The following KATNIP variants were observed in gnomAD, a reference collection of about 807,000 sequenced individuals.
The protein encoded by KATNIP is katanin interacting protein.
In KATNIP, 126 loss-of-function variants were observed where a neutral mutation model predicts 174.0. The observed-to-expected ratio is 0.72, with a 90% CI of 0.63 to 0.84. KATNIP has a LOEUF of 0.84. Ranked by LOEUF, KATNIP falls within the 40% of genes least tolerant of loss-of-function variation. The probability of loss-of-function intolerance (pLI) is 0.00; values close to 1 mark genes in which losing one functional copy is unlikely to be tolerated. For missense variants in KATNIP, 1,958 were observed against 2,109.7 expected, an observed-to-expected ratio of 0.93 and a Z score of 1.41; for synonymous variants, 810 against 835.7, an observed-to-expected ratio of 0.97 and a Z score of 0.53.
At chr16:27,593,172 G>T (rs1367138970) in intron 2 of KATNIP, among the ~76,000 whole-genome samples, 1 of 150,992 alleles carries the variant, frequency 6.6e-6, no homozygotes, top group Non-Finnish European at 1.5e-5. Context: ...TGACTCCTAA[G>T]TTCACTTACC....
intron 2 of KATNIP, among the ~76,000 whole-genome samples, chr16:27,576,215 C>T (rs952817727): frequency 1.3e-5 from 2 of 152,156 alleles, no homozygotes; most frequent in African/African-American, 4.8e-5. Flanking sequence ...CTACGGGACT[C>T]CCCTAATTGC....
chr16:27,681,065 C>G (rs754462699), intron 7 of KATNIP: 11 of 300,026 alleles, frequency 3.7e-5, no homozygotes, highest in Middle Eastern at 1.2e-3. Context: ...CTCCTGGGCT[C>G]AAGCAGTTCC....
chr16:27,660,087 G>A lies in KATNIP; in HGVS notation c.540+11352G>A, dbSNP rs556635105. On this transcript the variant is annotated intron_variant, in intron 6 of 27. Coordinates refer to ENST00000261588, the MANE Select transcript of KATNIP (RefSeq NM_015202.5). ...CAGATTCCGCAAGCCTGGGAAGGTA[G>A]CTTGGGTTTTTCCATAAACATTCTG... is the stretch of plus-strand genomic sequence containing the variant. 1.3e-4 allele frequency: 115 copies of A among 868,140 alleles called. 1 individual carries two copies. The South Asian group carries it at 5.5e-3, about 42-fold the overall frequency. The allele number at this position is 868,140 out of a possible 1,614,324, so 53.8% of individuals were successfully genotyped here.
At chr16:27,596,915 G>A (rs1386433523) in intron 2 of KATNIP, among the ~76,000 whole-genome samples, 1 of 152,068 alleles carries the variant, frequency 6.6e-6, no homozygotes, top group Non-Finnish European at 1.5e-5. Flanking sequence ...CCCAGCTACT[G>A]GGGAGGCTGA....
intron 6 of KATNIP, among the ~76,000 whole-genome samples, chr16:27,665,859 G>A (rs977947156): frequency 6.6e-6 from 1 of 151,472 alleles, no homozygotes; most frequent in African/African-American, 2.4e-5. Flanking sequence ...CCTCGGCCTG[G>A]CAAAGTGCTG....
chr16:27,706,057 T>G (rs2079289602), intron 12 of KATNIP, among the ~76,000 whole-genome samples: 1 of 152,134 alleles, frequency 6.6e-6, no homozygotes, highest in Non-Finnish European at 1.5e-5. Flanking sequence ...TGACAGACTC[T>G]TCTCATTGAA....
At chr16:27,582,972 A>G (rs1434969364) in intron 2 of KATNIP, among the ~76,000 whole-genome samples, 1 of 152,176 alleles carries the variant, frequency 6.6e-6, no homozygotes, top group East Asian at 1.9e-4. Context: ...AATGGTGCAT[A>G]ATCCATCCCT....
chr16:27,591,495 T>G (rs2075165144), intron 2 of KATNIP, among the ~76,000 whole-genome samples: 1 of 152,178 alleles, frequency 6.6e-6, no homozygotes, highest in Admixed American at 6.5e-5. Context: ...TTGTGCTTTC[T>G]AATGAAAACT....
chr16:27,719,533 A>T (rs1363212549), intron 13 of KATNIP, among the ~76,000 whole-genome samples: 3 of 150,750 alleles, frequency 2.0e-5, no homozygotes, highest in Non-Finnish European at 4.4e-5. Context: ...ACCATGCCCA[A>T]CTAAATTTTG....
At chr16:27,697,022 C>T (rs937909007) in intron 8 of KATNIP, among the ~76,000 whole-genome samples, 2 of 152,192 alleles carry the variant, frequency 1.3e-5, no homozygotes, top group Non-Finnish European at 2.9e-5. Flanking sequence ...AGCCACCACA[C>T]CCGGCCTCCA....
chr16:27,759,887 G>A (rs770775135), intron 18 of KATNIP, among the ~76,000 whole-genome samples: 19 of 152,220 alleles, frequency 1.2e-4, no homozygotes, highest in Non-Finnish European at 8.8e-5. Context: ...CACTTTGCAC[G>A]TGAATGATGC....
At chr16:27,564,788 G>A (rs1041617468) in intron 1 of KATNIP, among the ~76,000 whole-genome samples, 5 of 151,088 alleles carry the variant, frequency 3.3e-5, no homozygotes, top group Admixed American at 1.3e-4. Context: ...TTTTTTTGAC[G>A]GAGTTTCACT....
intron 2 of KATNIP, among the ~76,000 whole-genome samples, chr16:27,612,513 T>A (rs1449761068): frequency 2.0e-5 from 3 of 151,822 alleles, no homozygotes; most frequent in Non-Finnish European, 4.4e-5. Flanking sequence ...ATCCCAACAC[T>A]TTTGGGAGGC....
intron 5 of KATNIP, 22 bp downstream of exon 5, chr16:27,631,184 C>T (rs770542484): frequency 1.7e-5 from 26 of 1,526,512 alleles, no homozygotes; most frequent in Non-Finnish European, 1.8e-5. Context: ...GTGGCCCCAG[C>T]CCACGCTTTA....
At chr16:27,575,860 G>A (rs543890732) in intron 2 of KATNIP, among the ~76,000 whole-genome samples, 9 of 152,328 alleles carry the variant, frequency 5.9e-5, no homozygotes, top group African/African-American at 1.7e-4. Context: ...CAAGTGGGCA[G>A]TCTAGGGGCA....
At position 27,559,336 on chromosome 16, in the gene KATNIP, G is replaced by A. The variant is rs552059897; in HGVS notation, c.7+9159G>A. Among the ~76,000 whole-genome samples, 11 of 152,204 alleles carry A rather than the reference G, an allele frequency of 7.2e-5. No homozygotes were observed. In the East Asian group the frequency reaches 2.1e-3, roughly 29 times the overall value. Reference sequence around the variant, plus strand: ...TGCCTACCTGCTCTCACACCCAGAGGTTTTACACTGCGCTGTACAGTGTCT... The same window carrying A: ...TGCCTACCTGCTCTCACACCCAGAGATTTTACACTGCGCTGTACAGTGTCT... On this transcript the variant is annotated intron_variant, in intron 1 of 27. Transcript: ENST00000261588.
intron 24 of KATNIP, 70 bp downstream of exon 24, chr16:27,775,154 C>G: frequency 1.3e-6 from 2 of 1,520,460 alleles, no homozygotes; most frequent in Non-Finnish European, 1.8e-6. Context: ...TTTCCCTGGT[C>G]TCAGTGACAC....
intron 2 of KATNIP, among the ~76,000 whole-genome samples, chr16:27,606,117 G>A (rs184054257): frequency 6.1e-4 from 93 of 152,104 alleles, no homozygotes; most frequent in African/African-American, 2.1e-3. Context: ...GCAACAGTGC[G>A]AGACTCTGTC....
intron 13 of KATNIP, among the ~76,000 whole-genome samples, chr16:27,711,598 G>T (rs2079577354): frequency 6.6e-6 from 1 of 152,234 alleles, no homozygotes. Context: ...AGACTGAATA[G>T]GGCAGGACAT....
Sources: gnomAD v4.1 joint callset for allele counts (sites outside exome capture counted in the v4.1 genomes callset) on GRCh38, gnomAD v4.1.1 for gene constraint, MANE v1.5 for transcripts, NCBI Gene and HGNC (gene_info 2026-07-23, HGNC 2026-07-21) for gene names.